KCNMA1: variants seen among roughly 807,000 people sequenced by gnomAD.
The protein encoded by KCNMA1 is Calcium-activated potassium channel subunit alpha-1.
A neutral mutation model predicts 140.0 loss-of-function variants in KCNMA1; 29 were observed. The observed-to-expected ratio is 0.21, with a 90% CI of 0.15 to 0.28. KCNMA1 has a LOEUF of 0.28. Among genes scored for constraint, KCNMA1 ranks in the 10% least tolerant of loss-of-function variants. The pLI is 1.00. For synonymous variants in KCNMA1, 612 were observed against 611.9 expected, an observed-to-expected ratio of 1.00 and a Z score of 0.00; for missense variants, 880 against 1,602.2, an observed-to-expected ratio of 0.55 and a Z score of 7.70.
chr10:77,247,834 G>A (rs919144165), intron 3 of KCNMA1, among the ~76,000 whole-genome samples: 4 of 152,174 alleles, frequency 2.6e-5, no homozygotes, highest in Admixed American at 2.6e-4. Context: ...CTGCTGGGAT[G>A]ATAAAGCATA....
At chr10:76,878,904 T>C (rs1589364654) in intron 29 of KCNMA1, among the ~76,000 whole-genome samples, 1 of 152,132 alleles carries the variant, frequency 6.6e-6, no homozygotes, top group South Asian at 2.1e-4. Flanking sequence ...TTGGGAATCA[T>C]ATGCCTCACT....
intron 1 of KCNMA1, among the ~76,000 whole-genome samples, chr10:77,531,575 C>G (rs2057629089): frequency 6.6e-6 from 1 of 152,230 alleles, no homozygotes; most frequent in African/African-American, 2.4e-5. Context: ...ACAAGGGACT[C>G]CGGCTGTGCA....
intron 2 of KCNMA1, among the ~76,000 whole-genome samples, chr10:77,353,977 G>C (rs1459271255): frequency 7.0e-6 from 1 of 143,692 alleles, no homozygotes; most frequent in Non-Finnish European, 1.5e-5. Context: ...TTTTGGGGGG[G>C]GGGGTGGTGG....
At chr10:77,162,974 T>C (rs1403547960) in intron 5 of KCNMA1, among the ~76,000 whole-genome samples, 1 of 152,230 alleles carries the variant, frequency 6.6e-6, no homozygotes, top group African/African-American at 2.4e-5. Context: ...TATTGGTGAC[T>C]AATATTTCTG....
At chr10:77,561,287 G>A (rs982017376) in intron 1 of KCNMA1, among the ~76,000 whole-genome samples, 2 of 152,166 alleles carry the variant, frequency 1.3e-5, no homozygotes, top group African/African-American at 2.4e-5. Flanking sequence ...ACCAGTGAAT[G>A]TATTAATGAC....
chr10:77,444,534 G>T (rs4980145), intron 1 of KCNMA1, among the ~76,000 whole-genome samples: 1 of 152,106 alleles, frequency 6.6e-6, no homozygotes, highest in Admixed American at 6.5e-5. Context: ...AGCCACTTTA[G>T]TTTGTCACAT....
intron 19 of KCNMA1, among the ~76,000 whole-genome samples, chr10:76,999,693 G>A (rs2085550715): frequency 6.6e-6 from 1 of 152,172 alleles, no homozygotes; most frequent in African/African-American, 2.4e-5. Flanking sequence ...TCTAAGGATT[G>A]TAACAGAAAT....
intron 1 of KCNMA1, among the ~76,000 whole-genome samples, chr10:77,405,169 T>G (rs1566626888): frequency 6.6e-6 from 1 of 152,242 alleles, no homozygotes; most frequent in Non-Finnish European, 1.5e-5. Context: ...CCACAGAGAC[T>G]TATGGCCTGC....
chr10:77,048,177 A>C (rs962952905), intron 14 of KCNMA1, among the ~76,000 whole-genome samples: 3 of 151,878 alleles, frequency 2.0e-5, no homozygotes, highest in Non-Finnish European at 4.4e-5. Context: ...CAAGGTACAA[A>C]TCCAAAATTT....
chr10:77,502,234 T>C (rs914814193), intron 1 of KCNMA1, among the ~76,000 whole-genome samples: 2 of 152,212 alleles, frequency 1.3e-5, no homozygotes, highest in African/African-American at 4.8e-5. Flanking sequence ...CAATCGTGAT[T>C]CTGACACCAG....
At chr10:77,445,689 T>C (rs1286378346) in intron 1 of KCNMA1, among the ~76,000 whole-genome samples, 1 of 152,172 alleles carries the variant, frequency 6.6e-6, no homozygotes, top group Non-Finnish European at 1.5e-5. Context: ...GCCAGTGTAC[T>C]GGCTTCTCGA....
intron 5 of KCNMA1, among the ~76,000 whole-genome samples, chr10:77,172,919 G>C (rs1234166366): frequency 6.6e-6 from 1 of 152,050 alleles, no homozygotes; most frequent in African/African-American, 2.4e-5. Flanking sequence ...TGCATGGTGG[G>C]AGGGACAAAC....
At chr10:77,305,224 G>A (rs1404846218) in intron 2 of KCNMA1, among the ~76,000 whole-genome samples, 1 of 152,150 alleles carries the variant, frequency 6.6e-6, no homozygotes, top group Non-Finnish European at 1.5e-5. Context: ...GGGACCAGGT[G>A]CCCTGACTCC....
chr10:77,324,971 C>CTCTCTCTCTCTCTCTGTG (rs766240356), intron 2 of KCNMA1, among the ~76,000 whole-genome samples: 23 of 90,446 alleles, frequency 2.5e-4, no homozygotes, highest in South Asian at 4.8e-4. Context: ...CTCTCTCTCT[C>CTCTCTCTCTCTCTCTGTG]TGTGTGTGTG....
intron 3 of KCNMA1, among the ~76,000 whole-genome samples, chr10:77,197,648 C>T (rs977717674): frequency 4.6e-5 from 7 of 152,246 alleles, no homozygotes; most frequent in African/African-American, 9.6e-5. Context: ...GTGCTCACCA[C>T]GTTCAGGGCC....
chr10:77,199,879 G>A (rs929552068), intron 3 of KCNMA1, among the ~76,000 whole-genome samples: 1 of 152,182 alleles, frequency 6.6e-6, no homozygotes, highest in African/African-American at 2.4e-5. Context: ...GCATCTGTGT[G>A]CCCTGGAAGC....
chr10:77,290,503 T>C (rs1035742994), intron 2 of KCNMA1, among the ~76,000 whole-genome samples: 1 of 152,168 alleles, frequency 6.6e-6, no homozygotes, highest in Non-Finnish European at 1.5e-5. Context: ...TTTCCTTATG[T>C]GTGAAAAGGG....
At chr10:77,267,374 T>A (rs147270730) in intron 2 of KCNMA1, among the ~76,000 whole-genome samples, 5 of 152,184 alleles carry the variant, frequency 3.3e-5, no homozygotes, top group Non-Finnish European at 7.3e-5. Flanking sequence ...AAATGCCCTG[T>A]ATAAGAGGCA....
chr10:76,878,969 G>C (rs185659151), intron 29 of KCNMA1, among the ~76,000 whole-genome samples: 1 of 152,148 alleles, frequency 6.6e-6, no homozygotes, highest in Non-Finnish European at 1.5e-5. Context: ...TATCAAGCAC[G>C]TCCACTGCTA....
Sources: gnomAD v4.1 joint callset for allele counts (sites outside exome capture counted in the v4.1 genomes callset) on GRCh38, gnomAD v4.1.1 for gene constraint, MANE v1.5 for transcripts, NCBI Gene and HGNC (gene_info 2026-07-23, HGNC 2026-07-21) for gene names.